Variants in PRDM11 observed in about 807,000 individuals in gnomAD.
PRDM11 encodes PR/SET domain 11.
In PRDM11, 20 loss-of-function variants were observed where a neutral mutation model predicts 97.8. The ratio of observed to expected loss-of-function variants is 0.20; its 90% CI spans 0.14 to 0.30. The LOEUF is 0.30. Among genes scored for constraint, PRDM11 ranks in the 10% least tolerant of loss-of-function variants. The pLI, the probability that PRDM11 is intolerant of heterozygous loss-of-function variation, is 1.00. For missense variants in PRDM11, 1,139 were observed against 1,555.2 expected, an observed-to-expected ratio of 0.73 and a Z score of 4.50; for synonymous variants, 599 against 637.7, an observed-to-expected ratio of 0.94 and a Z score of 0.91.
At chr11:45,095,366 T>C (rs1851874901), upstream of PRDM11, among the ~76,000 whole-genome samples, 5 of 152,260 alleles carry the variant, frequency 3.3e-5, no homozygotes, top group South Asian at 8.3e-4. Flanking sequence ...TCCCCAGGCA[T>C]CCCCTGACAT....
intron 1 of PRDM11, among the ~76,000 whole-genome samples, chr11:45,122,236 C>G (rs10838419): frequency 0.32 from 46,834 of 144,384 alleles, 8,482 homozygotes; most frequent in African/African-American, 0.45. Flanking sequence ...CACACACACA[C>G]AGAGAGAAAC....
chr11:45,204,732 T>C lies in PRDM11; in HGVS notation c.508T>C (p.Tyr170His). The C allele has an allele frequency of 6.2e-7, 1 of 1,612,806 alleles. No individual in the cohort carries two copies. The highest frequency in any genetic ancestry group is 1.1e-5 in the South Asian group (1 of 91,054). ...CCAGATTGTGGACAAGAACAACCGC[T>C]ATAAGTCCATAGATGGCTCAGACGA... ...SWLIVDKNNR[Y>H]KSIDGSDETK... is the part of the protein sequence containing the mutation. Residue 170 changes from tyrosine (Y) to histidine (H), a missense_variant, in exon 5 of 8, where the codon TAT becomes CAT. By Grantham distance (83) the Tyr-to-His change is moderately conservative (BLOSUM62 2). Coordinates refer to ENST00000683152, the MANE Select transcript of PRDM11 (RefSeq NM_001384648.1).
chr11:45,149,275 T>C (rs1851601988), intron 1 of PRDM11, among the ~76,000 whole-genome samples: 1 of 152,214 alleles, frequency 6.6e-6, no homozygotes. Context: ...TTCCAGTGTG[T>C]TGGGGATAAA....
At position 45,101,618 on chromosome 11, in the gene PRDM11, C is replaced by A. The variant is rs1356555707; in HGVS notation, c.96+5717C>A. ...AGAAGAAGGCGTTCAGGGCTCAGAGCTAGAGGCTGAGCAGAGGAAGAAGAA... is the reference window on the plus strand; with the variant it reads ...AGAAGAAGGCGTTCAGGGCTCAGAGATAGAGGCTGAGCAGAGGAAGAAGAA... On this transcript the variant is annotated intron_variant, in intron 1 of 6. Coordinates refer to the PRDM11 transcript ENST00000530656. Among the ~76,000 whole-genome samples, 3 of 145,126 alleles carry A rather than the reference C, an allele frequency of 2.1e-5. No homozygotes were observed. In the East Asian group the frequency reaches 5.9e-4, roughly 29 times the overall value.
Position 45,226,938 on chromosome 11 carries a change from T to C in PRDM11, c.2313T>C (p.Asp771=), listed in dbSNP as rs1245520024. ...MVHRPHLEIL[D]AISGKELPCL... is the part of the protein sequence containing the mutation. ...ACCGGCCCCACCTGGAGATCCTGGA[T>C]GCCATCAGCGGGAAGGAGCTCCCAT... The change falls in exon 8 of 8, where the codon GAT becomes GAC. Residue 771 remains aspartate (D), a synonymous_variant. Transcript: ENST00000683152. The C allele has an allele frequency of 1.3e-6, 2 of 1,533,946 alleles. No homozygotes were observed. Among genetic ancestry groups the C allele is most frequent in the East Asian group, 2.4e-5 (1 of 40,916 alleles).
intron 1 of PRDM11, among the ~76,000 whole-genome samples, chr11:45,155,890 C>A (rs1001289328): frequency 6.6e-6 from 1 of 152,042 alleles, no homozygotes; most frequent in Non-Finnish European, 1.5e-5. Flanking sequence ...TGAGTGTGGA[C>A]GGGCATGTTC....
intron 1 of PRDM11, among the ~76,000 whole-genome samples, chr11:45,098,191 C>T (rs916464355): frequency 2.6e-5 from 4 of 152,214 alleles, no homozygotes; most frequent in Non-Finnish European, 5.9e-5. Flanking sequence ...TCGTTCCCCT[C>T]ATCCCCAGGG....
chr11:45,101,634 GGAA>G (rs1411129656), intron 1 of PRDM11, among the ~76,000 whole-genome samples: 143 of 145,900 alleles, frequency 9.8e-4, no homozygotes, highest in Middle Eastern at 3.6e-3. Context: ...GCTGAGCAGA[GGAA>G]GAAGAAGGCG....
chr11:45,100,209 A>T (rs1281249997), intron 1 of PRDM11, among the ~76,000 whole-genome samples: 2 of 152,228 alleles, frequency 1.3e-5, no homozygotes, highest in Admixed American at 1.3e-4. Flanking sequence ...AAGTTTGAGT[A>T]ATTAAGAGCA....
upstream of PRDM11, among the ~76,000 whole-genome samples, chr11:45,145,496 C>G (rs894340627): frequency 5.3e-5 from 8 of 152,184 alleles, no homozygotes; most frequent in African/African-American, 1.9e-4. Context: ...TGGGAGGAGG[C>G]TTCCCTGGGG....
At position 45,157,571 on chromosome 11, in the gene PRDM11, T is replaced by G. The variant is rs142591543; in HGVS notation, c.-7+10694T>G. Among the ~76,000 whole-genome samples the G allele has an allele frequency of 6.8e-3, 1,038 of 152,282 alleles. 18 individuals carry two copies. Among genetic ancestry groups the G allele is most frequent in the African/African-American group, 0.024 (978 of 41,542 alleles). ...CAAAGAGGCCATCCAGGTGTATGCT[T>G]CCTTTCCACCGCCAACCTCCCAGAA... On this transcript the variant is annotated intron_variant, in intron 1 of 7. Transcript: ENST00000683152.
rs1048284637 is a variant in PRDM11 at position 45,180,109 on chromosome 11, T to C, written c.-6-1652T>C. 2.5e-4 allele frequency among the ~76,000 whole-genome samples: 38 copies of C among 152,246 alleles called. 1 individual carries two copies. Among genetic ancestry groups the C allele is most frequent in the Admixed American group, 2.4e-3 (37 of 15,294 alleles). On this transcript the variant is annotated intron_variant, in intron 1 of 7. Coordinates refer to ENST00000683152, the MANE Select transcript of PRDM11 (RefSeq NM_001384648.1). ...CTTGAATCTGGGGGTTCAGCCAGTT[T>C]CCAATTTACTAAGCAGCCATCGGGT...
chr11:45,226,740 T>C lies in PRDM11; in HGVS notation c.2115T>C (p.Tyr705=). The C allele has an allele frequency of 6.5e-7, 1 of 1,533,924 alleles. No homozygotes were observed. Among genetic ancestry groups the C allele is most frequent in the Non-Finnish European group, 8.7e-7 (1 of 1,146,716 alleles). Residue 705 remains tyrosine, a synonymous_variant, in exon 8 of 8, where the codon TAT becomes TAC. Transcript: ENST00000683152. The stretch of plus-strand genomic sequence containing the variant: ...TGGGATTCTCTAGCACAGAAAGCTA[T>C]CTCCAGGCACTTGACCGGGCCTTCT... ...QELGFSSTES[Y]LQALDRAFSA...
intron 1 of PRDM11, among the ~76,000 whole-genome samples, chr11:45,115,848 T>G (rs1251001471): frequency 6.6e-6 from 1 of 151,404 alleles, no homozygotes; most frequent in Non-Finnish European, 1.5e-5. Context: ...GAGACTCACT[T>G]GAACCTGGGT....
At chr11:45,165,565 G>A (rs892295261) in intron 1 of PRDM11, among the ~76,000 whole-genome samples, 5 of 152,230 alleles carry the variant, frequency 3.3e-5, no homozygotes, top group African/African-American at 1.2e-4. Flanking sequence ...GCTGACTGGA[G>A]ACCTGGAGAG....
chr11:45,120,668 G>A (rs1852409298), intron 1 of PRDM11, among the ~76,000 whole-genome samples: 1 of 151,712 alleles, frequency 6.6e-6, no homozygotes, highest in Non-Finnish European at 1.5e-5. Flanking sequence ...CAGCAGACCA[G>A]TATCACAATA....
At chr11:45,152,905 C>T (rs1851695473) in intron 1 of PRDM11, among the ~76,000 whole-genome samples, 1 of 152,228 alleles carries the variant, frequency 6.6e-6, no homozygotes, top group Non-Finnish European at 1.5e-5. Context: ...TGTTGGGCCA[C>T]AGGGAGCCTC....
At chr11:45,130,884 G>A (rs1213305028) in intron 1 of PRDM11, among the ~76,000 whole-genome samples, 1 of 152,026 alleles carries the variant, frequency 6.6e-6, no homozygotes, top group African/African-American at 2.4e-5. Flanking sequence ...AAAAATTTAA[G>A]CAATTTGAAT....
intron 1 of PRDM11, among the ~76,000 whole-genome samples, chr11:45,180,713 G>T (rs1320770699): frequency 2.7e-5 from 4 of 149,856 alleles, no homozygotes; most frequent in African/African-American, 9.7e-5. Context: ...GCCGGGCCGG[G>T]CAGGGAGCTC....
Sources: gnomAD v4.1 joint callset for allele counts (sites outside exome capture counted in the v4.1 genomes callset) on GRCh38, gnomAD v4.1.1 for gene constraint, MANE v1.5 for transcripts, NCBI Gene and HGNC (gene_info 2026-07-23, HGNC 2026-07-21) for gene names.